Variants in EYA1 observed in about 807,000 individuals in gnomAD.
EYA1 encodes the protein protein phosphatase EYA1.
Under a neutral mutation model 82.0 loss-of-function variants are expected in EYA1, and 16 were observed. The observed-to-expected ratio is 0.20, with a 90% CI of 0.13 to 0.30. EYA1 has a LOEUF of 0.30. Among genes scored for constraint, EYA1 ranks in the 10% least tolerant of loss-of-function variants. EYA1 has a pLI of 1.00. For synonymous variants in EYA1, 261 were observed against 264.4 expected (o/e 0.99, Z 0.12); for missense variants, 633 against 730.7 (o/e 0.87, Z 1.54).
Position 71,341,964 on chromosome 8 carries a change from A to G in EYA1, c.125-7790T>C, listed in dbSNP as rs28558101. Among the ~76,000 whole-genome samples the G allele has an allele frequency of 2.4e-4, 36 of 152,330 alleles. 1 individual carries two copies. In the East Asian group the frequency reaches 6.0e-3, roughly 25 times the overall value. On this transcript the variant is annotated intron_variant, in intron 3 of 17. Transcript: ENST00000340726. The stretch of plus-strand genomic sequence containing the variant: ...TAGACTAATTTAAATTTTTTGTAAA[A>G]GAAATAATATATGGTAAATCACGAC...
At position 71,227,488 on chromosome 8, in the gene EYA1, C is replaced by T. The variant is rs957672438; in HGVS notation, c.1141-10465G>A. On this transcript the variant is annotated intron_variant, in intron 12 of 17. Transcript: ENST00000340726. Reference sequence around the variant, plus strand: ...CAGAAGCATGGAAAAATATTCAGACCGAGAGAACTTTCATCCTTTTCTGCA... The same window carrying T: ...CAGAAGCATGGAAAAATATTCAGACTGAGAGAACTTTCATCCTTTTCTGCA... Among the ~76,000 whole-genome samples, 6 of 152,062 alleles carry T rather than the reference C, an allele frequency of 3.9e-5. No individual in the cohort carries two copies. In the South Asian group the frequency reaches 8.3e-4, roughly 21 times the overall value.
chr8:71,279,491 A>T (rs1246457147), intron 9 of EYA1, among the ~76,000 whole-genome samples: 2 of 152,344 alleles, frequency 1.3e-5, no homozygotes, highest in East Asian at 3.9e-4. Flanking sequence ...GGCATTCCCC[A>T]TAGGGAAGCA....
Position 71,231,399 on chromosome 8 carries a change from G to T in EYA1, c.1140+13204C>A, listed in dbSNP as rs540305826. On this transcript the variant is annotated intron_variant, in intron 12 of 17. Coordinates refer to ENST00000340726, the MANE Select transcript of EYA1 (RefSeq NM_000503.6). ...TTTTCTCATCTCACAAGCACTCTCT[G>T]TGTGTTCTGTGCTTTATACCTACAC... 7.2e-5 allele frequency among the ~76,000 whole-genome samples: 11 copies of T among 152,244 alleles called. No homozygotes were observed. The East Asian group carries it at 1.9e-3, about 27-fold the overall frequency.
In EYA1 at chr8:71,459,868, ATAAAT is replaced by A. The variant is rs549141622; in HGVS notation, c.33+75871_33+75875del. 7.3e-3 allele frequency among the ~76,000 whole-genome samples: 1,110 copies of A among 152,268 alleles called. 4 individuals carry two copies. The highest frequency in any genetic ancestry group is 0.017 in the Middle Eastern group (5 of 294). On this transcript the variant is annotated intron_variant, in intron 2 of 18. Coordinates refer to the EYA1 transcript ENST00000643681. ...CCCACTATCTGTTCTTTTTTAGTAAATAAATTAATATTTCAATTAAGCTCATTTTC... is the reference window on the plus strand; with the variant it reads ...CCCACTATCTGTTCTTTTTTAGTAAATAATATTTCAATTAAGCTCATTTTC...
chr8:71,439,012 A>G (rs1478720026), intron 2 of EYA1, among the ~76,000 whole-genome samples: 1 of 152,106 alleles, frequency 6.6e-6, no homozygotes, highest in Non-Finnish European at 1.5e-5. Context: ...CAGCCAGGCT[A>G]CCTACCATCA....
At chr8:71,293,029 T>C (rs558348909) in intron 9 of EYA1, among the ~76,000 whole-genome samples, 4 of 152,156 alleles carry the variant, frequency 2.6e-5, no homozygotes, top group South Asian at 2.1e-4. Context: ...ATCAATAAAA[T>C]TGATAAACCT....
At chr8:71,433,492 C>T (rs1805779623) in intron 2 of EYA1, among the ~76,000 whole-genome samples, 1 of 152,148 alleles carries the variant, frequency 6.6e-6, no homozygotes, top group Admixed American at 6.5e-5. Context: ...CACAATAGAC[C>T]ATAGTTTCCC....
chr8:71,317,795 C>A lies in EYA1; in HGVS notation c.419-106G>T, dbSNP rs549484745. On this transcript the variant is annotated intron_variant, in intron 6 of 17. Coordinates refer to ENST00000340726, the MANE Select transcript of EYA1 (RefSeq NM_000503.6). ...GTTTAACTACAAATGCTTCCCCAAT[C>A]TTATCTCAAAAATAAAGGGTATACA... 23 of 1,091,534 alleles carry A rather than the reference C, an allele frequency of 2.1e-5. No homozygotes were observed. In the East Asian group the frequency reaches 4.9e-4, roughly 23 times the overall value. The allele number at this position is 1,091,534 out of a possible 1,614,324, so 67.6% of individuals were successfully genotyped here.
chr8:71,319,042 C>T (rs181849480), intron 6 of EYA1, among the ~76,000 whole-genome samples: 75 of 152,244 alleles, frequency 4.9e-4, no homozygotes, highest in Admixed American at 1.3e-3. Flanking sequence ...ATGTTGTCAC[C>T]CCTAGGGATT....
intron 2 of EYA1, among the ~76,000 whole-genome samples, chr8:71,448,646 A>T (rs974268126): frequency 6.6e-6 from 1 of 152,232 alleles, no homozygotes; most frequent in African/African-American, 2.4e-5. Flanking sequence ...TACTTTGCCT[A>T]GATGCATCAG....
chr8:71,293,627 T>C (rs1426438602), intron 9 of EYA1, among the ~76,000 whole-genome samples: 1 of 151,836 alleles, frequency 6.6e-6, no homozygotes, highest in Non-Finnish European at 1.5e-5. Flanking sequence ...TATATAAGGC[T>C]GGTTCAACAT....
chr8:71,225,158 AG>A (rs1182774808), intron 12 of EYA1: 5 of 452,066 alleles, frequency 1.1e-5, no homozygotes, highest in Non-Finnish European at 1.8e-5. Flanking sequence ...TTACTGATGC[AG>A]AACAGCATGA....
intron 2 of EYA1, among the ~76,000 whole-genome samples, chr8:71,515,941 TTTTCA>T (rs2129262026): frequency 6.6e-6 from 1 of 152,262 alleles, no homozygotes; most frequent in African/African-American, 2.4e-5. Flanking sequence ...AAATATATAC[TTTTCA>T]AAAGGATGGG....
intron 2 of EYA1, among the ~76,000 whole-genome samples, chr8:71,412,031 A>G (rs1830620457): frequency 6.6e-6 from 1 of 151,742 alleles, no homozygotes; most frequent in Admixed American, 6.6e-5. Context: ...CATATACACC[A>G]TGGAATACTA....
At chr8:71,349,631 T>C (rs143155054) in intron 3 of EYA1, among the ~76,000 whole-genome samples, 283 of 152,324 alleles carry the variant, frequency 1.9e-3, no homozygotes, top group Non-Finnish European at 3.4e-3. Flanking sequence ...TGAGCACTTA[T>C]AAGTTCCAAT....
At chr8:71,299,544 A>T in intron 8 of EYA1, 94 bp downstream of exon 8, 1 of 825,836 alleles carries the variant, frequency 1.2e-6, no homozygotes, top group South Asian at 1.4e-5. Context: ...AGCCTTAGGA[A>T]AGCTCTCACT....
At chr8:71,298,834 T>C (rs1048162446) in intron 9 of EYA1, among the ~76,000 whole-genome samples, 1 of 152,232 alleles carries the variant, frequency 6.6e-6, no homozygotes, top group Non-Finnish European at 1.5e-5. Flanking sequence ...CTATTTCATG[T>C]GCTTTTGATG....
chr8:71,279,918 A>G (rs1446019916), intron 9 of EYA1, among the ~76,000 whole-genome samples: 2 of 152,222 alleles, frequency 1.3e-5, no homozygotes, highest in Non-Finnish European at 2.9e-5. Context: ...AGAGTCATAC[A>G]GTAAATATTT....
At chr8:71,452,146 C>G (rs143336636) in intron 2 of EYA1, among the ~76,000 whole-genome samples, 11 of 152,190 alleles carry the variant, frequency 7.2e-5, no homozygotes, top group Non-Finnish European at 1.5e-4. Flanking sequence ...TTGGAGGGTC[C>G]CACACCCACA....
Sources: gnomAD v4.1 joint callset for allele counts (sites outside exome capture counted in the v4.1 genomes callset) on GRCh38, gnomAD v4.1.1 for gene constraint, MANE v1.5 for transcripts, NCBI Gene and HGNC (gene_info 2026-07-23, HGNC 2026-07-21) for gene names.